Variants in CENPP observed in about 807,000 individuals in gnomAD.
CENPP encodes centromere protein P.
CENPP carries 24 observed loss-of-function variants against 35.6 expected under a neutral mutation model. That is an observed-to-expected ratio of 0.67 (90% confidence interval 0.49 to 0.95). The LOEUF is 0.95. Among genes scored for constraint, CENPP ranks in the 40% least tolerant of loss-of-function variants. The probability of loss-of-function intolerance (pLI) is 0.00; values close to 1 mark genes in which losing one functional copy is unlikely to be tolerated. For synonymous variants in CENPP, 120 were observed against 125.5 expected (o/e 0.96, Z 0.29); for missense variants, 332 against 345.3 (o/e 0.96, Z 0.31).
At chr9:92,511,941 C>A in intron 5 of CENPP, 1 of 1,194,316 alleles carries the variant, frequency 8.4e-7, no homozygotes, top group Non-Finnish European at 1.2e-6. Context: ...TCCTCCCTTC[C>A]CCATCTCCAA....
intron 5 of CENPP, among the ~76,000 whole-genome samples, chr9:92,534,501 T>A (rs961677522): frequency 1.3e-5 from 2 of 152,220 alleles, no homozygotes; most frequent in Non-Finnish European, 2.9e-5. Flanking sequence ...GCCACAGTCA[T>A]TTGAAAACCA....
At chr9:92,448,605 G>A (rs772748345) in intron 5 of CENPP, among the ~76,000 whole-genome samples, 1 of 152,170 alleles carries the variant, frequency 6.6e-6, no homozygotes, top group East Asian at 1.9e-4. Context: ...TCATCTCTAG[G>A]GGGGTGTAAG....
intron 5 of CENPP, among the ~76,000 whole-genome samples, chr9:92,534,269 G>A (rs1226414970): frequency 6.6e-6 from 1 of 152,128 alleles, no homozygotes; most frequent in Non-Finnish European, 1.5e-5. Context: ...CAAGGGAGTT[G>A]GTGAGAGGGG....
chr9:92,440,025 GAAAT>G (rs1440849566), intron 5 of CENPP, among the ~76,000 whole-genome samples: 29 of 152,252 alleles, frequency 1.9e-4, no homozygotes. Flanking sequence ...ATTCCAGAAA[GAAAT>G]AATTCATGTT....
chr9:92,382,376 A>G (rs907544102), intron 5 of CENPP, among the ~76,000 whole-genome samples: 5 of 152,026 alleles, frequency 3.3e-5, no homozygotes, highest in African/African-American at 1.2e-4. Flanking sequence ...TGTGTTGGGA[A>G]CCGTCAGTAT....
chr9:92,402,267 A>G (rs78680950), intron 5 of CENPP, among the ~76,000 whole-genome samples: 210 of 152,324 alleles, frequency 1.4e-3, no homozygotes, highest in African/African-American at 4.6e-3. Context: ...ATGCTATCAT[A>G]TTAAAAGCAT....
intron 5 of CENPP, among the ~76,000 whole-genome samples, chr9:92,380,477 A>AT (rs34240665): frequency 0.37 from 55,633 of 151,928 alleles, 12,475 homozygotes; most frequent in African/African-American, 0.63. Flanking sequence ...CTTAAATAAT[A>AT]TTTCAGGGTT....
At chr9:92,391,303 A>G (rs1218153376) in intron 5 of CENPP, among the ~76,000 whole-genome samples, 1 of 151,874 alleles carries the variant, frequency 6.6e-6, no homozygotes, top group African/African-American at 2.4e-5. Context: ...GCTACTCGGG[A>G]AGCTGAGGCA....
intron 5 of CENPP, among the ~76,000 whole-genome samples, chr9:92,442,140 G>T (rs1844407916): frequency 6.6e-6 from 1 of 152,072 alleles, no homozygotes; most frequent in Non-Finnish European, 1.5e-5. Context: ...GCTCACACCT[G>T]TAATCCCAGA....
intron 4 of CENPP, among the ~76,000 whole-genome samples, chr9:92,359,904 A>G (rs1415728931): frequency 6.6e-6 from 1 of 151,840 alleles, no homozygotes; most frequent in Non-Finnish European, 1.5e-5. Context: ...AGCTGCTGCT[A>G]TACTAAGAGC....
In CENPP at chr9:92,567,373, G is replaced by GATATATAT; in HGVS notation, c.565-43925_565-43918dup. On this transcript the variant is annotated intron_variant, in intron 5 of 7. Coordinates refer to ENST00000375587, the MANE Select transcript of CENPP (RefSeq NM_001012267.3). ...ATGGGGTATACAGTTACATAAGATA[G>GATATATAT]ATATATATATATATATATATATAGA... 2.6e-3 allele frequency among the ~76,000 whole-genome samples: 332 copies of GATATATAT among 129,018 alleles called. 8 individuals are homozygous for GATATATAT. Among genetic ancestry groups the GATATATAT allele is most frequent in the Middle Eastern group, 9.3e-3 (2 of 216 alleles). 84.6% of individuals were successfully genotyped at this position (129,018 alleles called of 152,430 possible). A position where few individuals can be genotyped will look rare whatever the true frequency, so the allele number is the denominator to read the frequency against.
intron 2 of CENPP, among the ~76,000 whole-genome samples, chr9:92,336,810 A>G (rs1231828585): frequency 6.6e-6 from 1 of 152,206 alleles, no homozygotes; most frequent in African/African-American, 2.4e-5. Flanking sequence ...AGGGCATTTT[A>G]TGCATTCAAA....
chr9:92,612,429 C>A, intron 6 of CENPP, 94 bp from the exon 7 acceptor site: 2 of 946,190 alleles, frequency 2.1e-6, no homozygotes, highest in South Asian at 1.4e-5. Flanking sequence ...GGGAGCCCAG[C>A]ATGGGGAAAT....
At chr9:92,420,373 G>T (rs915346126) in intron 5 of CENPP, among the ~76,000 whole-genome samples, 1 of 151,988 alleles carries the variant, frequency 6.6e-6, no homozygotes, top group African/African-American at 2.4e-5. Flanking sequence ...AAACTTTCTG[G>T]CTCCTTCAAT....
At chr9:92,416,740 T>C (rs769951597) in intron 5 of CENPP, 1 of 1,613,608 alleles carries the variant, frequency 6.2e-7, no homozygotes, top group Non-Finnish European at 8.5e-7. Flanking sequence ...AAATATTATA[T>C]GGGATGTCTT....
rs535633990 is a variant in CENPP at position 92,509,984 on chromosome 9, C to A, written c.565-101330C>A. The A allele has an allele frequency of 4.3e-6, 7 of 1,610,352 alleles. No homozygotes were observed. In the Admixed American group the frequency reaches 1.2e-4, roughly 28 times the overall value. ...ATGTAGATGGCAATTGTGAAGGAAT[C>A]TGTATCAAATTATTTCCATCCATAT... On this transcript the variant is annotated intron_variant, in intron 5 of 7. Coordinates refer to ENST00000375587, the MANE Select transcript of CENPP (RefSeq NM_001012267.3).
At chr9:92,345,436 G>T (rs1284196564) in intron 3 of CENPP, among the ~76,000 whole-genome samples, 1 of 149,130 alleles carries the variant, frequency 6.7e-6, no homozygotes, top group South Asian at 2.1e-4. Context: ...AGGTTGCGGT[G>T]AGCCGAGATC....
intron 5 of CENPP, among the ~76,000 whole-genome samples, chr9:92,504,109 T>C (rs1309686868): frequency 6.6e-6 from 1 of 152,214 alleles, no homozygotes; most frequent in African/African-American, 2.4e-5. Context: ...ATGTATGTGT[T>C]TTAACATGTG....
At chr9:92,560,608 C>G (rs1001107811) in intron 5 of CENPP, among the ~76,000 whole-genome samples, 1 of 152,198 alleles carries the variant, frequency 6.6e-6, no homozygotes, top group African/African-American at 2.4e-5. Flanking sequence ...TCTTAGCCTA[C>G]TTAAGCATCC....
Sources: gnomAD v4.1 joint callset for allele counts (sites outside exome capture counted in the v4.1 genomes callset) on GRCh38, gnomAD v4.1.1 for gene constraint, MANE v1.5 for transcripts, NCBI Gene and HGNC (gene_info 2026-07-23, HGNC 2026-07-21) for gene names.